SLC5A8: variants seen among roughly 807,000 people sequenced by gnomAD.
The protein encoded by SLC5A8 is sodium-coupled monocarboxylate transporter 1.
In SLC5A8, 55 loss-of-function variants were observed where a neutral mutation model predicts 71.9. The ratio of observed to expected loss-of-function variants is 0.77; its 90% CI spans 0.62 to 0.96. The LOEUF (loss-of-function observed/expected upper bound fraction) is 0.96, where lower values mean the gene tolerates loss of function less well. Among genes scored for constraint, SLC5A8 ranks in the 40% least tolerant of loss-of-function variants. The probability of loss-of-function intolerance (pLI) is 0.00; values close to 1 mark genes in which losing one functional copy is unlikely to be tolerated. For synonymous variants in SLC5A8, 307 were observed against 276.1 expected (o/e 1.11, Z -1.11); for missense variants, 701 against 745.3 (o/e 0.94, Z 0.69).
At chr12:101,180,779 C>T (rs2051925012) in intron 9 of SLC5A8, among the ~76,000 whole-genome samples, 1 of 151,354 alleles carries the variant, frequency 6.6e-6, no homozygotes, top group Non-Finnish European at 1.5e-5. Context: ...GCCTCAAACT[C>T]CTGGGCTCAA....
Sources: allele counts gnomAD v4.1 joint callset (sites outside exome capture counted in the v4.1 genomes callset), GRCh38; gene constraint gnomAD v4.1.1; transcripts MANE v1.5; gene names NCBI Gene and HGNC (gene_info 2026-07-23, HGNC 2026-07-21).